GATA6: variants seen among roughly 807,000 people sequenced by gnomAD.
GATA6 encodes transcription factor GATA-6.
GATA6 carries 11 observed loss-of-function variants against 48.1 expected under a neutral mutation model. The ratio of observed to expected loss-of-function variants is 0.23; its 90% confidence interval spans 0.14 to 0.38. The LOEUF (loss-of-function observed/expected upper bound fraction) is 0.38. Among genes scored for constraint, GATA6 ranks in the 10% least tolerant of loss-of-function variants. The pLI, the probability that GATA6 is intolerant of heterozygous loss-of-function variation, is 1.00. For synonymous variants in GATA6, 419 were observed against 396.1 expected (o/e 1.06, Z -0.69); for missense variants, 795 against 850.3 (o/e 0.93, Z 0.81).
rs2033460122 is a variant in GATA6, at chr18:22,201,297, T to C, written c.*474T>C. 5.7e-6 allele frequency: 1 copy of C among 174,996 alleles called. No homozygotes were observed. Among genetic ancestry groups the C allele is most frequent in the South Asian group, 1.4e-4 (1 of 7,188 alleles). The allele number at this position is 174,996 out of a possible 1,614,324, so 10.8% of individuals were successfully genotyped here. A position where few individuals can be genotyped will look rare whatever the true frequency, so the allele number is the denominator to read the frequency against. ...CATCTCTGGAGGCTGAGTCGGTTCATGAGGTCTCTTATCAAAAATATTACT... is the reference window on the plus strand; with the variant it reads ...CATCTCTGGAGGCTGAGTCGGTTCACGAGGTCTCTTATCAAAAATATTACT... On this transcript the variant is annotated 3_prime_UTR_variant, in exon 7 of 7. Coordinates refer to ENST00000269216, the MANE Select transcript of GATA6 (RefSeq NM_005257.6).
In GATA6 at chr18:22,171,036, G is replaced by A. The variant is rs377428370; in HGVS notation, c.-37-72G>A. 29 of 883,312 alleles carry A rather than the reference G, an allele frequency of 3.3e-5. No homozygotes were observed. In the African/African-American group the frequency reaches 3.5e-4, roughly 11 times the overall value. The allele number at this position is 883,312 out of a possible 1,614,324, so 54.7% of individuals were successfully genotyped here. A position where few individuals can be genotyped will look rare whatever the true frequency, so the allele number is the denominator to read the frequency against. ...GAACTAGAAAAAGGAGTGGAGGCGA[G>A]GTAGCGTGCAGCCTACGCTCTTGTT... is the stretch of plus-strand genomic sequence containing the variant. On this transcript the variant is annotated intron_variant, in intron 1 of 6. Coordinates refer to ENST00000269216, the MANE Select transcript of GATA6 (RefSeq NM_005257.6). This position sits in a 1 kb window ranked among gnomAD's most constrained non-coding sequence, Gnocchi z 7.1.
At chr18:22,194,274 C>G (rs1186893193) in intron 6 of GATA6, among the ~76,000 whole-genome samples, 2 of 152,352 alleles carry the variant, frequency 1.3e-5, no homozygotes, top group Non-Finnish European at 2.9e-5. Flanking sequence ...CAGGCTGGGT[C>G]TGGCCCTGAT....
intron 3 of GATA6, among the ~76,000 whole-genome samples, chr18:22,179,078 C>G (rs1386028429): frequency 2.6e-5 from 4 of 152,106 alleles, no homozygotes; most frequent in African/African-American, 4.8e-5. Flanking sequence ...AAAAAAAGAA[C>G]AGTTTTTAGC....
intron 6 of GATA6, among the ~76,000 whole-genome samples, chr18:22,192,691 G>A (rs963473217): frequency 6.6e-6 from 1 of 152,118 alleles, no homozygotes; most frequent in African/African-American, 2.4e-5. Flanking sequence ...CTTGCCTCAG[G>A]ATTCTGTCCC....
rs1221588212 is a variant in GATA6, at chr18:22,176,938, C to G, written c.1136-17C>G. 3 of 1,538,228 alleles carry G rather than the reference C, an allele frequency of 2.0e-6. No homozygotes were observed. The highest frequency in any genetic ancestry group is 2.6e-6 in the Non-Finnish European group (3 of 1,147,170). On this transcript the variant is annotated splice_polypyrimidine_tract_variant and intron_variant, in intron 2 of 6. Coordinates refer to ENST00000269216, the MANE Select transcript of GATA6 (RefSeq NM_005257.6). ...CGGCGCGCCCACTCCCGCCCTCACG[C>G]ACCGCTGTCGCCGCAGACCTGCTGG...
intron 6 of GATA6, among the ~76,000 whole-genome samples, chr18:22,200,200 T>TGTGCGC (rs34914720): frequency 7.4e-5 from 11 of 147,770 alleles, no homozygotes; most frequent in Non-Finnish European, 1.5e-4. Context: ...TGTGTGTGTG[T>TGTGCGC]GCGCGCGCAC....
chr18:22,175,975 G>C (rs1431923536), intron 2 of GATA6, among the ~76,000 whole-genome samples: 4 of 152,102 alleles, frequency 2.6e-5, no homozygotes, highest in Non-Finnish European at 5.9e-5. Context: ...CTCATTTTTA[G>C]AGACATTTAT....
Position 22,172,073 on chromosome 18 carries a change from A to G in GATA6, c.929A>G (p.Tyr310Cys). 3 of 1,449,916 alleles carry G rather than the reference A, an allele frequency of 2.1e-6. No homozygotes were observed. The highest frequency in any genetic ancestry group is 2.7e-6 in the Non-Finnish European group (3 of 1,106,422). The allele number at this position is 1,449,916 out of a possible 1,614,324, so 89.8% of individuals were successfully genotyped here. A position where few individuals can be genotyped will look rare whatever the true frequency, so the allele number is the denominator to read the frequency against. ...LAAMGGREPQ[Y>C]SSLSAARPLN... is the part of the protein sequence containing the mutation. ...GCCATGGGCGGCCGCGAGCCCCAGT[A>G]CAGCTCGCTGTCGGCCGCGCGGCCG... Residue 310 changes from tyrosine to cysteine, a missense_variant, in exon 2 of 7, where the codon TAC becomes TGC. This residue lies in a region of GATA6 where 591 missense variants were observed against 570.0 expected (regional missense o/e 1.04). Transcript: ENST00000269216. This position sits in a 1 kb window ranked among gnomAD's most constrained non-coding sequence, Gnocchi z 5.2.
rs751281703 is a variant in GATA6 at position 22,171,725 on chromosome 18, T to C, written c.581T>C (p.Val194Ala). Reference protein sequence around the residue: ...SSPVYVPTTRVGSMLPGLPYH... With the variant: ...SSPVYVPTTRAGSMLPGLPYH... Reference sequence around the variant, plus strand: ...CCGGTCTACGTGCCCACCACCCGCGTGGGTTCCATGCTGCCCGGCCTACCG... The same window carrying C: ...CCGGTCTACGTGCCCACCACCCGCGCGGGTTCCATGCTGCCCGGCCTACCG... Residue 194 changes from valine to alanine, a missense_variant, in exon 2 of 7, where the codon GTG (valine) becomes GCG (alanine). By Grantham distance (64) the Val-to-Ala change is moderately conservative. Coordinates refer to ENST00000269216, the MANE Select transcript of GATA6 (RefSeq NM_005257.6). This position sits in a 1 kb window ranked among gnomAD's most constrained non-coding sequence, Gnocchi z 7.1. 6.7e-7 allele frequency: 1 copy of C among 1,488,176 alleles called. No individual in the cohort carries two copies. Among genetic ancestry groups the C allele is most frequent in the South Asian group, 1.3e-5 (1 of 79,338 alleles). 92.2% of individuals were successfully genotyped at this position (1,488,176 alleles called of 1,614,324 possible).
chr18:22,173,837 G>A (rs1380927321), intron 2 of GATA6, among the ~76,000 whole-genome samples: 4 of 152,186 alleles, frequency 2.6e-5, no homozygotes, highest in African/African-American at 9.7e-5. Flanking sequence ...TTTTTGCCAC[G>A]TTGGTCAGGC....
chr18:22,171,701 C>A lies in GATA6; in HGVS notation c.557C>A (p.Pro186Gln). ...GCAGCCGCGGCGGCGGCCAGCTCCC[C>A]GGTCTACGTGCCCACCACCCGCGTG... is the stretch of plus-strand genomic sequence containing the variant. The part of the protein sequence containing the change: ...AAAAAAAASS[P>Q]VYVPTTRVGS... The change falls in exon 2 of 7, where the codon CCG (proline) becomes CAG (glutamine). Residue 186 changes from proline to glutamine, a missense_variant. Pro to Gln is a moderately conservative substitution (Grantham distance 76, BLOSUM62 -1). Coordinates refer to ENST00000269216, the MANE Select transcript of GATA6 (RefSeq NM_005257.6). This position sits in a 1 kb window ranked among gnomAD's most constrained non-coding sequence, Gnocchi z 7.1. 1 of 1,497,990 alleles carries A rather than the reference C, an allele frequency of 6.7e-7. No individual in the cohort carries two copies. Among genetic ancestry groups the A allele is most frequent in the East Asian group, 2.7e-5 (1 of 37,280 alleles). 92.8% of individuals were successfully genotyped at this position (1,497,990 alleles called of 1,614,324 possible).
At chr18:22,187,056 G>A (rs895680144) in intron 6 of GATA6, among the ~76,000 whole-genome samples, 11 of 152,184 alleles carry the variant, frequency 7.2e-5, no homozygotes, top group South Asian at 6.2e-4. Context: ...TATTAAAAAT[G>A]TATGTTAAAC....
At chr18:22,198,905 T>A (rs937977789) in intron 6 of GATA6, among the ~76,000 whole-genome samples, 10 of 152,166 alleles carry the variant, frequency 6.6e-5, no homozygotes, top group Non-Finnish European at 1.5e-4. Flanking sequence ...AAACCCTCAG[T>A]TTAAGTCTTT....
At chr18:22,197,079 C>CTTTTT (rs34814440) in intron 6 of GATA6, among the ~76,000 whole-genome samples, 2 of 133,708 alleles carry the variant, frequency 1.5e-5, no homozygotes, top group East Asian at 2.2e-4. Flanking sequence ...TTAGCCAATT[C>CTTTTT]TTTTTTTTTT....
chr18:22,200,791 C>G lies in GATA6; in HGVS notation c.1756C>G (p.Pro586Ala), dbSNP rs2033452440. The change falls in exon 7 of 7, where the codon CCG becomes GCG. Residue 586 changes from proline to alanine, a missense_variant. Coordinates refer to ENST00000269216, the MANE Select transcript of GATA6 (RefSeq NM_005257.6). ...GGCCGAAGTCACGTCCTCCGTGCGA[C>G]CGGATTCCTGGTGCGCCCTGGCCCT... ...SPAEVTSSVR[P>A]DSWCALALA The G allele has an allele frequency of 1.9e-6, 3 of 1,612,992 alleles. No homozygotes were observed. Among genetic ancestry groups the G allele is most frequent in the Non-Finnish European group, 2.5e-6 (3 of 1,179,948 alleles).
intron 2 of GATA6, 99 bp from the exon 3 acceptor site, chr18:22,176,856 G>GCCGGGCA (rs1415071571): frequency 1.8e-5 from 25 of 1,374,240 alleles, no homozygotes; most frequent in Middle Eastern, 2.6e-4. Context: ...GGGCAGGGAA[G>GCCGGGCA]CCGGGCACCG....
At chr18:22,199,181 A>G (rs367795970) in intron 6 of GATA6, among the ~76,000 whole-genome samples, 28 of 152,320 alleles carry the variant, frequency 1.8e-4, no homozygotes, top group African/African-American at 6.7e-4. Flanking sequence ...GTTGGACCTC[A>G]TTCACTTGCA....
Position 22,171,098 on chromosome 18 carries a change from C to A in GATA6, c.-37-10C>A, listed in dbSNP as rs1334594157. On this transcript the variant is annotated splice_polypyrimidine_tract_variant and intron_variant, in intron 1 of 6. Transcript: ENST00000269216. This position sits in a 1 kb window ranked among gnomAD's most constrained non-coding sequence, Gnocchi z 7.1. ...CTCCTACCATACCCGTCTCCCCCACCCCACCTCAGGAGCTAGACGTCAGCT... is the reference window on the plus strand; with the variant it reads ...CTCCTACCATACCCGTCTCCCCCACACCACCTCAGGAGCTAGACGTCAGCT... 6.4e-7 allele frequency: 1 copy of A among 1,554,638 alleles called. No homozygotes were observed. Among genetic ancestry groups the A allele is most frequent in the East Asian group, 2.2e-5 (1 of 44,478 alleles).
At chr18:22,177,679 A>G (rs374181582) in intron 3 of GATA6, among the ~76,000 whole-genome samples, 1 of 152,158 alleles carries the variant, frequency 6.6e-6, no homozygotes. Context: ...AGAATATGCC[A>G]GAAATCCACC....
Sources: allele counts gnomAD v4.1 joint callset (sites outside exome capture counted in the v4.1 genomes callset), GRCh38; gene constraint gnomAD v4.1.1; regional missense constraint gnomAD v4.1.1; non-coding constraint Gnocchi (gnomAD v3.1); transcripts MANE v1.5; gene names NCBI Gene and HGNC (gene_info 2026-07-23, HGNC 2026-07-21).